The following RASEF variants were observed in gnomAD, a reference collection of about 807,000 sequenced individuals.
RASEF encodes the protein ras and EF-hand domain-containing protein.
RASEF carries 68 observed loss-of-function variants against 90.1 expected under a neutral mutation model. The observed-to-expected ratio is 0.75, with a 90% CI of 0.62 to 0.92. RASEF has a LOEUF of 0.92. Among genes scored for constraint, RASEF ranks in the 40% least tolerant of loss-of-function variants. The pLI is 0.00. For missense variants in RASEF, 949 were observed against 937.2 expected, an observed-to-expected ratio of 1.01 and a Z score of -0.16; for synonymous variants, 331 against 345.2, an observed-to-expected ratio of 0.96 and a Z score of 0.46.
At position 83,005,838 on chromosome 9, in the gene RASEF, C is replaced by A. The variant is rs1230737175; in HGVS notation, c.1029-338G>T. ...TCCCTAAATGCCTGAACCTGGCCAG[C>A]CAGTTACCACATTTCAGAGGTCAGG... On this transcript the variant is annotated intron_variant, in intron 7 of 16. Transcript: ENST00000376447. 2.0e-5 allele frequency among the ~76,000 whole-genome samples: 3 copies of A among 152,190 alleles called. No individual in the cohort carries two copies. The East Asian group carries it at 5.8e-4, about 29-fold the overall frequency.
At chr9:83,177,615 G>GTT in the RASEF span, among the ~76,000 whole-genome samples, 2,322 of 146,560 alleles carry the variant, frequency 0.016, 41 homozygotes, top group African/African-American at 0.046. Flanking sequence ...TCATTTAGTT[G>GTT]TTTTTTTTTT....
the RASEF span, among the ~76,000 whole-genome samples, chr9:83,198,170 A>G: frequency 2.0e-5 from 3 of 152,200 alleles, no homozygotes; most frequent in African/African-American, 4.8e-5. Context: ...GGACTCCCCA[A>G]ATAATGTTTT....
the RASEF span, among the ~76,000 whole-genome samples, chr9:83,186,931 G>A: frequency 6.6e-6 from 1 of 151,982 alleles, no homozygotes; most frequent in Non-Finnish European, 1.5e-5. Flanking sequence ...AAAGGGTTCA[G>A]CCCCAGCATG....
chr9:83,094,122 G>C, the RASEF span, among the ~76,000 whole-genome samples: 1 of 152,032 alleles, frequency 6.6e-6, no homozygotes, highest in African/African-American at 2.4e-5. Context: ...TGGTTTTCCA[G>C]TGATTAAAAT....
At chr9:83,214,705 G>A in the RASEF span, among the ~76,000 whole-genome samples, 30 of 152,034 alleles carry the variant, frequency 2.0e-4, no homozygotes, top group African/African-American at 5.3e-4. Flanking sequence ...TTTACAAAGC[G>A]CAGTTCCCCT....
chr9:83,202,962 C>A, the RASEF span, among the ~76,000 whole-genome samples: 3 of 152,034 alleles, frequency 2.0e-5, no homozygotes, highest in East Asian at 5.8e-4. Context: ...AGTAAATGGA[C>A]AGCAGTACTT....
chr9:83,118,465 C>T, the RASEF span, among the ~76,000 whole-genome samples: 1 of 152,168 alleles, frequency 6.6e-6, no homozygotes, highest in African/African-American at 2.4e-5. Flanking sequence ...GGCATAAATA[C>T]ATATTTTTTA....
At chr9:83,015,993 A>AG (rs1829336899) in intron 3 of RASEF, 93 bp from the exon 4 acceptor site, 6 of 919,298 alleles carry the variant, frequency 6.5e-6, no homozygotes, top group Admixed American at 5.8e-5. Context: ...TGTCAAATTA[A>AG]GGCTGACTTC....
the RASEF span, among the ~76,000 whole-genome samples, chr9:83,085,680 C>T: frequency 6.6e-6 from 1 of 152,192 alleles, no homozygotes; most frequent in Admixed American, 6.5e-5. Flanking sequence ...AATCCCAGCA[C>T]TTTGGGAGGC....
At chr9:83,205,753 A>G in the RASEF span, among the ~76,000 whole-genome samples, 3 of 152,200 alleles carry the variant, frequency 2.0e-5, no homozygotes, top group Admixed American at 2.0e-4. Context: ...ATGCTAACTA[A>G]TTTCTCAGAA....
At chr9:83,081,807 A>T in the RASEF span, among the ~76,000 whole-genome samples, 1 of 152,202 alleles carries the variant, frequency 6.6e-6, no homozygotes, top group Admixed American at 6.5e-5. Flanking sequence ...TACCAACATG[A>T]TCACCTCTCC....
the RASEF span, among the ~76,000 whole-genome samples, chr9:83,139,264 A>G: frequency 6.6e-6 from 1 of 152,146 alleles, no homozygotes; most frequent in African/African-American, 2.4e-5. Context: ...TCTAGCACAC[A>G]TTCTTCCAAA....
chr9:83,000,408 T>G (rs751687989), intron 11 of RASEF, 25 bp downstream of exon 11: 1 of 1,612,692 alleles, frequency 6.2e-7, no homozygotes, highest in Non-Finnish European at 8.5e-7. Context: ...TGTTCATGAA[T>G]AGGAGTGTCT....
chr9:82,993,634 G>T (rs1828855697), intron 14 of RASEF, among the ~76,000 whole-genome samples: 2 of 152,198 alleles, frequency 1.3e-5, no homozygotes, highest in Non-Finnish European at 2.9e-5. Context: ...AAATATAAAA[G>T]TCCTGAAGGT....
the RASEF span, among the ~76,000 whole-genome samples, chr9:83,187,454 G>C: frequency 6.6e-6 from 1 of 151,864 alleles, no homozygotes; most frequent in Non-Finnish European, 1.5e-5. Flanking sequence ...GGGGCTACTG[G>C]GGCCACCTTG....
In RASEF at chr9:83,062,622, G is replaced by C. The variant is rs1200172151; in HGVS notation, c.246C>G (p.Asp82Glu). The C allele has an allele frequency of 6.4e-7, 1 of 1,555,474 alleles. No homozygotes were observed. Among genetic ancestry groups the C allele is most frequent in the African/African-American group, 1.4e-5 (1 of 73,458 alleles). Residue 82 changes from aspartate to glutamate, a missense_variant, in exon 1 of 17, where the codon GAC (aspartate) becomes GAG (glutamate). This residue lies in a region of RASEF where 656 missense variants were observed against 592.2 expected (regional missense o/e 1.11). Coordinates refer to ENST00000376447, the MANE Select transcript of RASEF (RefSeq NM_152573.4). ...LGSLRGGRRR[D>E]WGPLDPAPAV... is the part of the protein sequence containing the mutation. ...CGGGCGCGGGATCCAGAGGACCCCA[G>C]TCCCGGCGCCGCCCCCCGCGGAGGG...
chr9:83,055,106 A>G (rs1288666217), intron 1 of RASEF: 14 of 164,072 alleles, frequency 8.5e-5, no homozygotes, highest in East Asian at 3.7e-4. Flanking sequence ...TTGTTTACCT[A>G]AGCAAGCCTG....
the RASEF span, among the ~76,000 whole-genome samples, chr9:83,106,693 G>A: frequency 3.9e-5 from 6 of 152,168 alleles, no homozygotes; most frequent in South Asian, 1.2e-3. Flanking sequence ...ATTACTAACC[G>A]GGACATCTGA....
intron 1 of RASEF, among the ~76,000 whole-genome samples, chr9:83,043,763 G>T (rs891999969): frequency 6.6e-6 from 1 of 152,056 alleles, no homozygotes; most frequent in Non-Finnish European, 1.5e-5. Context: ...CTGCCCAGCA[G>T]ATGTGGCCAC....
Sources: allele counts gnomAD v4.1 joint callset (sites outside exome capture counted in the v4.1 genomes callset), GRCh38; gene constraint gnomAD v4.1.1; regional missense constraint gnomAD v4.1.1; transcripts MANE v1.5; gene names NCBI Gene and HGNC (gene_info 2026-07-23, HGNC 2026-07-21).